OTOA: variants seen among roughly 807,000 people sequenced by gnomAD.
The protein encoded by OTOA is cancer/testis antigen 108.
OTOA carries 70 observed loss-of-function variants against 110.8 expected under a neutral mutation model. That is an observed-to-expected ratio of 0.63 (90% CI 0.52 to 0.77). The LOEUF (loss-of-function observed/expected upper bound fraction) is 0.77, where lower values mean the gene tolerates loss of function less well. Ranked by LOEUF, OTOA falls within the 30% of genes least tolerant of loss-of-function variation. The pLI is 0.00. For missense variants in OTOA, 917 were observed against 1,075.8 expected, an observed-to-expected ratio of 0.85 and a Z score of 2.06; for synonymous variants, 373 against 431.5, an observed-to-expected ratio of 0.86 and a Z score of 1.68.
chr16:21,711,489 T>A, intron 13 of OTOA, among the ~76,000 whole-genome samples: 1 of 152,066 alleles, frequency 6.6e-6, no homozygotes, highest in Non-Finnish European at 1.5e-5. Flanking sequence ...TTTTTTTTGA[T>A]ACGGAGTCTT....
intron 1 of OTOA, among the ~76,000 whole-genome samples, chr16:21,677,939 T>A (rs1597805262): frequency 1.3e-5 from 2 of 151,904 alleles, no homozygotes; most frequent in African/African-American, 2.4e-5. Context: ...CAGGCTGGAG[T>A]GCAGTGGCAC....
intron 10 of OTOA, among the ~76,000 whole-genome samples, chr16:21,699,633 T>G (rs1898011316): frequency 1.3e-5 from 2 of 151,282 alleles, no homozygotes; most frequent in Non-Finnish European, 2.9e-5. Context: ...TGAGACTGTG[T>G]CTTGGCCGGG....
intron 17 of OTOA, among the ~76,000 whole-genome samples, 174 bp from the exon 18 acceptor site, chr16:21,722,731 A>G (rs2141710913): frequency 6.6e-6 from 1 of 152,262 alleles, no homozygotes; most frequent in South Asian, 2.1e-4. Context: ...GTTTGTTATT[A>G]CCTCAGCGTT....
In OTOA at chr16:21,736,398, T is replaced by C. The variant is rs202092744; in HGVS notation, c.2431+8T>C. 2 of 1,614,108 alleles carry C rather than the reference T, an allele frequency of 1.2e-6. No homozygotes were observed. Among genetic ancestry groups the C allele is most frequent in the Non-Finnish European group, 1.7e-6 (2 of 1,180,002 alleles). On this transcript the variant is annotated splice_region_variant and intron_variant, in intron 22 of 28. Coordinates refer to ENST00000646100, the MANE Select transcript of OTOA (RefSeq NM_144672.4). ...GCTATGACCCTATGCCTGGTGAGTG[T>C]TTTCAGGGTATCTGAGCCATTGCTG...
At chr16:21,678,405 T>C (rs1209594772) in intron 1 of OTOA, 106 bp from the exon 2 acceptor site, 2 of 673,230 alleles carry the variant, frequency 3.0e-6, no homozygotes, top group East Asian at 7.6e-5. Context: ...CTTCTGAATG[T>C]CCATATATAT....
At chr16:21,704,036 GAGAA>G (rs1034004180) in intron 11 of OTOA, among the ~76,000 whole-genome samples, 37 of 152,300 alleles carry the variant, frequency 2.4e-4, no homozygotes, top group Non-Finnish European at 4.1e-4. Flanking sequence ...CGGCCTCACA[GAGAA>G]GTTAAGTAAC....
chr16:21,730,633 G>A, intron 20 of OTOA: 1 of 526,218 alleles, frequency 1.9e-6, no homozygotes. Flanking sequence ...GAGCTTCTCT[G>A]ATAGTTCCAT....
chr16:21,695,458 T>C (rs377039192), intron 9 of OTOA, among the ~76,000 whole-genome samples: 4 of 151,980 alleles, frequency 2.6e-5, no homozygotes, highest in Admixed American at 6.6e-5. Context: ...AATAAACAAC[T>C]AAGCTTGGTT....
At chr16:21,711,689 G>A (rs1378337181) in intron 13 of OTOA, among the ~76,000 whole-genome samples, 1 of 152,038 alleles carries the variant, frequency 6.6e-6, no homozygotes, top group African/African-American at 2.4e-5. Context: ...GGCTGGTCTC[G>A]AACTCCAGAC....
At position 21,719,209 on chromosome 16, in the gene OTOA, G is replaced by A. The variant is rs779347130; in HGVS notation, c.1688+18G>A. 5.0e-6 allele frequency: 8 copies of A among 1,613,862 alleles called. No homozygotes were observed. The highest frequency in any genetic ancestry group is 1.1e-5 in the South Asian group (1 of 91,090). On this transcript the variant is annotated intron_variant, in intron 16 of 28. Transcript: ENST00000646100. Reference sequence around the variant, plus strand: ...CTTTTGAGGTAGGAAAATGTAACTCGGCCTGGGTGCTGAACAGGCCTTTCA... The same window carrying A: ...CTTTTGAGGTAGGAAAATGTAACTCAGCCTGGGTGCTGAACAGGCCTTTCA...
intron 11 of OTOA, 105 bp downstream of exon 11, chr16:21,701,132 G>A: frequency 6.5e-7 from 1 of 1,537,904 alleles, no homozygotes; most frequent in East Asian, 2.3e-5. Flanking sequence ...GAGGTGGCTG[G>A]TCCATCTCTT....
rs531993061 is a variant in OTOA at position 21,668,235 on chromosome 16, A to G, written c.-5+4003A>G. On this transcript the variant is annotated intron_variant, in intron 1 of 28. Coordinates refer to ENST00000646100, the MANE Select transcript of OTOA (RefSeq NM_144672.4). ...GAGATCCTCCCATCTCAGCCTCCTG[A>G]GTGGCTAGGACTACAGGTGTGCATC... Among the ~76,000 whole-genome samples, 30 of 152,112 alleles carry G rather than the reference A, an allele frequency of 2.0e-4. No homozygotes were observed. In the Middle Eastern group the frequency reaches 0.017, roughly 86 times the overall value.
intron 9 of OTOA, among the ~76,000 whole-genome samples, chr16:21,697,111 G>T (rs1897959622): frequency 7.1e-6 from 1 of 140,476 alleles, no homozygotes; most frequent in South Asian, 2.2e-4. Flanking sequence ...CAAACTCCTG[G>T]CCTCAAGCAA....
chr16:21,743,973 A>G (rs1249086392), intron 23 of OTOA, among the ~76,000 whole-genome samples: 1 of 136,172 alleles, frequency 7.3e-6, no homozygotes, highest in Non-Finnish European at 1.6e-5. Context: ...GTTTTGATGT[A>G]TGTATACATT....
rs1002200375 is a variant in OTOA, at chr16:21,705,421, G to A, written c.1104+129G>A. 4.9e-5 allele frequency: 69 copies of A among 1,402,620 alleles called. No individual in the cohort carries two copies. In the African/African-American group the frequency reaches 9.4e-4, roughly 19 times the overall value. 86.9% of individuals were successfully genotyped at this position (1,402,620 alleles called of 1,614,324 possible). A position where few individuals can be genotyped will look rare whatever the true frequency, so the allele number is the denominator to read the frequency against. On this transcript the variant is annotated intron_variant, in intron 12 of 28. Transcript: ENST00000646100. ...TAGTCGGGATTTAAGTCCAGTCACA[G>A]CAGATGGCATCTCAAATACTGAGGT...
In OTOA at chr16:21,723,479, G is replaced by C. The variant is rs543124675; in HGVS notation, c.1880+501G>C. Among the ~76,000 whole-genome samples, 214 of 151,044 alleles carry C rather than the reference G, an allele frequency of 1.4e-3. 1 individual carries two copies. Among genetic ancestry groups the C allele is most frequent in the Non-Finnish European group, 2.1e-3 (143 of 67,882 alleles). On this transcript the variant is annotated intron_variant, in intron 18 of 28. Transcript: ENST00000646100. ...AAAAAGTTCATTGAGTACTTGCTGTGTGCTAGTTCTCAGATAGCTAAATTT... is the reference window on the plus strand; with the variant it reads ...AAAAAGTTCATTGAGTACTTGCTGTCTGCTAGTTCTCAGATAGCTAAATTT...
At chr16:21,723,235 G>T (rs1007128234) in intron 18 of OTOA, among the ~76,000 whole-genome samples, 1 of 152,152 alleles carries the variant, frequency 6.6e-6, no homozygotes, top group Non-Finnish European at 1.5e-5. Flanking sequence ...TGTCAGTGAG[G>T]CAGGTCCCAT....
chr16:21,728,539 T>A, intron 20 of OTOA, 108 bp downstream of exon 20: 1 of 1,302,040 alleles, frequency 7.7e-7, no homozygotes, highest in Non-Finnish European at 1.0e-6. Flanking sequence ...TAGGATGAGA[T>A]AAAATTCTTA....
intron 9 of OTOA, 28 bp from the exon 10 acceptor site, chr16:21,697,747 C>T (rs765204766): frequency 6.8e-5 from 108 of 1,593,030 alleles, no homozygotes; most frequent in Non-Finnish European, 8.9e-5. Context: ...TGTATGTACT[C>T]ATTTATTCAT....
Sources: allele counts gnomAD v4.1 joint callset (sites outside exome capture counted in the v4.1 genomes callset), GRCh38; gene constraint gnomAD v4.1.1; transcripts MANE v1.5; gene names NCBI Gene and HGNC (gene_info 2026-07-23, HGNC 2026-07-21).